Variants in MINDY4 observed in about 807,000 individuals in gnomAD.
MINDY4 encodes MINDY lysine 48 deubiquitinase 4, also known as probable ubiquitin carboxyl-terminal hydrolase MINDY-4.
A neutral mutation model predicts 87.0 loss-of-function variants in MINDY4; 68 were observed. That is an observed-to-expected ratio of 0.78 (90% CI 0.64 to 0.96). The LOEUF is 0.96. MINDY4 is among the 40% of genes least tolerant of loss of function. The pLI is 0.00. For synonymous variants in MINDY4, 379 were observed against 363.2 expected (o/e 1.04, Z -0.50); for missense variants, 919 against 928.2 (o/e 0.99, Z 0.13).
At chr7:30,845,939 G>A (rs1179641362) in intron 9 of MINDY4, among the ~76,000 whole-genome samples, 1 of 152,210 alleles carries the variant, frequency 6.6e-6, no homozygotes, top group African/African-American at 2.4e-5. Flanking sequence ...AGAAGAGGCT[G>A]TGCCGGCTTG....
At chr7:30,804,401 A>G (rs1006921833) in intron 5 of MINDY4, among the ~76,000 whole-genome samples, 54 of 152,212 alleles carry the variant, frequency 3.5e-4, no homozygotes, top group African/African-American at 1.3e-3. Flanking sequence ...ATCTAAATAC[A>G]TGGTATTTAA....
chr7:30,829,560 T>C (rs1258174740), intron 6 of MINDY4, among the ~76,000 whole-genome samples: 1 of 152,182 alleles, frequency 6.6e-6, no homozygotes, highest in Non-Finnish European at 1.5e-5. Flanking sequence ...TAGAACTCTC[T>C]TGTGTGAGAG....
intron 8 of MINDY4, among the ~76,000 whole-genome samples, chr7:30,840,331 G>A (rs1788992591): frequency 6.6e-6 from 1 of 152,240 alleles, no homozygotes; most frequent in Non-Finnish European, 1.5e-5. Flanking sequence ...GGCTGTTGAA[G>A]GGGCTCACTG....
Position 30,771,446 on chromosome 7 carries a change from G to A in MINDY4, c.-48G>A. The A allele has an allele frequency of 6.3e-7, 1 of 1,576,740 alleles. No individual in the cohort carries two copies. Among genetic ancestry groups the A allele is most frequent in the Non-Finnish European group, 8.6e-7 (1 of 1,161,636 alleles). On this transcript the variant is annotated 5_prime_UTR_variant, in exon 1 of 18. In the 5' UTR this introduces an upstream ATG that the reference lacks. Transcript: ENST00000265299. ...TGCGCCGGACAGACCCAGTTGCCTG[G>A]TGCTGCGGCCCGGCGTGGGCCTCGT... is the stretch of plus-strand genomic sequence containing the variant.
intron 6 of MINDY4, 56 bp from the exon 7 acceptor site, chr7:30,836,602 G>A (rs1338742176): frequency 7.1e-7 from 1 of 1,399,418 alleles, no homozygotes; most frequent in Non-Finnish European, 1.0e-6. Context: ...GTGACTTCAT[G>A]TTCTGTTCTC....
At chr7:30,853,339 A>G in intron 11 of MINDY4, 55 bp from the exon 12 acceptor site, 1 of 1,453,048 alleles carries the variant, frequency 6.9e-7, no homozygotes, top group Non-Finnish European at 9.6e-7. Context: ...CTAATTCAGG[A>G]TGGGGCACTG....
chr7:30,827,201 T>G (rs113082109), intron 5 of MINDY4, among the ~76,000 whole-genome samples: 1 of 152,248 alleles, frequency 6.6e-6, no homozygotes, highest in African/African-American at 2.4e-5. Flanking sequence ...CTGCTTGAAA[T>G]GGTTCAAGGA....
rs544744350 is a variant in MINDY4 at position 30,843,354 on chromosome 7, C to T, written c.1445+2506C>T. Among the ~76,000 whole-genome samples, 12 of 152,236 alleles carry T rather than the reference C, an allele frequency of 7.9e-5. No individual in the cohort carries two copies. The East Asian group carries it at 1.7e-3, about 22-fold the overall frequency. ...GGGAGCTGGGGTAGTGGCAGGTCAG[C>T]GCCAGGCTGCCAGAGGGGCCTTGGG... On this transcript the variant is annotated intron_variant, in intron 9 of 17. Transcript: ENST00000265299.
intron 15 of MINDY4, among the ~76,000 whole-genome samples, chr7:30,880,454 T>C (rs1323706366): frequency 6.6e-6 from 1 of 152,178 alleles, no homozygotes; most frequent in Non-Finnish European, 1.5e-5. Context: ...GCAGCTTTTT[T>C]CCCTTAATCT....
intron 5 of MINDY4, among the ~76,000 whole-genome samples, chr7:30,805,731 G>A (rs976225358): frequency 1.3e-5 from 2 of 152,176 alleles, no homozygotes; most frequent in African/African-American, 2.4e-5. Flanking sequence ...GTGTATTGAG[G>A]AATGGGAGGA....
chr7:30,853,276 G>T, intron 11 of MINDY4, 118 bp from the exon 12 acceptor site: 1 of 778,328 alleles, frequency 1.3e-6, no homozygotes, highest in Non-Finnish European at 2.2e-6. Flanking sequence ...GCTCTCTGAC[G>T]CAGGGACATT....
At chr7:30,792,809 T>C (rs1278637178) in intron 5 of MINDY4, among the ~76,000 whole-genome samples, 1 of 152,098 alleles carries the variant, frequency 6.6e-6, no homozygotes, top group East Asian at 1.9e-4. Flanking sequence ...AACTTTTGGC[T>C]TTATGTTTGT....
intron 1 of MINDY4, among the ~76,000 whole-genome samples, chr7:30,777,766 G>A (rs1439268184): frequency 2.6e-5 from 4 of 152,206 alleles, no homozygotes; most frequent in African/African-American, 9.7e-5. Flanking sequence ...CCAGTGAGGT[G>A]GGCAGAGAGC....
rs1431230531 is a variant in MINDY4 at position 30,892,012 on chromosome 7, G to GATCCA, written c.*9_*10insCCAAT. 4.3e-6 allele frequency: 7 copies of GATCCA among 1,614,042 alleles called. No homozygotes were observed. Among genetic ancestry groups the GATCCA allele is most frequent in the Admixed American group, 1.7e-5 (1 of 60,008 alleles). ...CTCAGACCCCATCCTGTGACCGTTG[G>GATCCA]ATGTGGGTAAACCCTGTGGTCCACC... On this transcript the variant is annotated 3_prime_UTR_variant, in exon 18 of 18. Transcript: ENST00000265299.
chr7:30,882,374 A>AGCCCCCCCCCCCCC lies in MINDY4; in HGVS notation c.2152+13_2152+14insGCCCCCCCCCCCCC. ...CGGCTGACCATTGGTGCGGGCCCTCACCCCCCCACCCACCCAACCCTGTCC... is the reference window on the plus strand; with the variant it reads ...CGGCTGACCATTGGTGCGGGCCCTCAGCCCCCCCCCCCCCCCCCCCCACCCACCCAACCCTGTCC... On this transcript the variant is annotated intron_variant, in intron 16 of 17. Coordinates refer to ENST00000265299, the MANE Select transcript of MINDY4 (RefSeq NM_032222.3). 1 of 1,420,734 alleles carries AGCCCCCCCCCCCCC rather than the reference A, an allele frequency of 7.0e-7. No individual in the cohort carries two copies. The highest frequency in any genetic ancestry group is 9.4e-7 in the Non-Finnish European group (1 of 1,061,532). The allele number at this position is 1,420,734 out of a possible 1,614,324, so 88.0% of individuals were successfully genotyped here.
chr7:30,853,526 A>G, intron 12 of MINDY4, 67 bp downstream of exon 12: 1 of 1,366,830 alleles, frequency 7.3e-7, no homozygotes, highest in Non-Finnish European at 1.0e-6. Context: ...TGTGGGAACA[A>G]TGCTGTGAAC....
chr7:30,865,795 C>T (rs1490714033), intron 13 of MINDY4, among the ~76,000 whole-genome samples: 1 of 152,204 alleles, frequency 6.6e-6, no homozygotes, highest in African/African-American at 2.4e-5. Flanking sequence ...CAGTTAATGG[C>T]ACAGTTGGCA....
chr7:30,781,750 C>G (rs562233749), intron 2 of MINDY4: 2 of 512,588 alleles, frequency 3.9e-6, no homozygotes, highest in Non-Finnish European at 6.8e-6. Flanking sequence ...CTGCCTCATG[C>G]GTTGGATGCT....
Position 30,833,988 on chromosome 7 carries a change from G to C in MINDY4, c.1133-2670G>C, listed in dbSNP as rs186493070. 1.4e-3 allele frequency among the ~76,000 whole-genome samples: 206 copies of C among 152,344 alleles called. 1 individual carries two copies. Among genetic ancestry groups the C allele is most frequent in the African/African-American group, 4.5e-3 (187 of 41,592 alleles). Reference sequence around the variant, plus strand: ...TTTGCAGGATACGGCCTCCCTCCCAGTTGCTTTCATGGGCTGGTGTTGAGT... The same window carrying C: ...TTTGCAGGATACGGCCTCCCTCCCACTTGCTTTCATGGGCTGGTGTTGAGT... On this transcript the variant is annotated intron_variant, in intron 6 of 17. Coordinates refer to ENST00000265299, the MANE Select transcript of MINDY4 (RefSeq NM_032222.3).
Sources: allele counts gnomAD v4.1 joint callset (sites outside exome capture counted in the v4.1 genomes callset), GRCh38; gene constraint gnomAD v4.1.1; transcripts MANE v1.5; gene names NCBI Gene and HGNC (gene_info 2026-07-23, HGNC 2026-07-21).